The following PLET1 variants were observed in gnomAD, a reference collection of about 807,000 sequenced individuals.
PLET1 encodes placenta-expressed transcript 1 protein.
Under a neutral mutation model 18.5 loss-of-function variants are expected in PLET1, and 20 were observed. The ratio of observed to expected loss-of-function variants is 1.08; its 90% CI spans 0.76 to 1.57. The LOEUF (loss-of-function observed/expected upper bound fraction) is 1.57, where lower values mean the gene tolerates loss of function less well. PLET1 is among the 40% of genes most tolerant of loss of function. PLET1 has a pLI of 0.00. For synonymous variants in PLET1, 93 were observed against 93.8 expected, an observed-to-expected ratio of 0.99 and a Z score of 0.05; for missense variants, 256 against 246.4, an observed-to-expected ratio of 1.04 and a Z score of -0.26.
At chr11:112,250,290 A>G (rs897308914) in intron 3 of PLET1, among the ~76,000 whole-genome samples, 2 of 121,342 alleles carry the variant, frequency 1.6e-5, no homozygotes, top group Non-Finnish European at 3.2e-5. Context: ...TAGGAGAGTC[A>G]GAGTGACACC....
intron 3 of PLET1, among the ~76,000 whole-genome samples, chr11:112,250,489 G>A (rs11821975): frequency 2.6e-5 from 4 of 152,100 alleles, no homozygotes; most frequent in Non-Finnish European, 5.9e-5. Context: ...TTATAGTTAC[G>A]CTTTGATGGA....
intron 1 of PLET1, among the ~76,000 whole-genome samples, chr11:112,257,620 T>A (rs561689980): frequency 1.6e-4 from 24 of 151,356 alleles, no homozygotes; most frequent in African/African-American, 3.7e-4. Flanking sequence ...TTTTTTTTTT[T>A]AAAAAGGCAG....
At chr11:112,253,265 G>C (rs1273483708) in intron 2 of PLET1, among the ~76,000 whole-genome samples, 1 of 152,068 alleles carries the variant, frequency 6.6e-6, no homozygotes, top group Non-Finnish European at 1.5e-5. Flanking sequence ...CATAGGCCTT[G>C]CCTCCCTAAC....
chr11:112,256,815 A>C (rs777112966), intron 1 of PLET1, among the ~76,000 whole-genome samples: 3 of 152,244 alleles, frequency 2.0e-5, no homozygotes, highest in Non-Finnish European at 4.4e-5. Context: ...CAGGTGCAGT[A>C]GAAGGTGAGC....
At chr11:112,260,250 A>T in intron 1 of PLET1, 156 bp downstream of exon 1, 1 of 814,360 alleles carries the variant, frequency 1.2e-6, no homozygotes, top group Non-Finnish European at 1.8e-6. Context: ...CCACTCCCTT[A>T]ATTCTCATTC....
At chr11:112,251,275 T>C (rs1040586585) in intron 3 of PLET1, among the ~76,000 whole-genome samples, 5 of 104,750 alleles carry the variant, frequency 4.8e-5, no homozygotes, top group African/African-American at 1.8e-4. Flanking sequence ...TTGAACCTTT[T>C]TGTAAATTAA....
chr11:112,254,754 GGT>G (rs759019053), intron 2 of PLET1, among the ~76,000 whole-genome samples: 15 of 93,430 alleles, frequency 1.6e-4, no homozygotes, highest in South Asian at 9.1e-4. Flanking sequence ...CTGTGTGTGT[GGT>G]GTGTGTGCTG....
At position 112,248,966 on chromosome 11, in the gene PLET1, A is replaced by G. The variant is rs1284573420; in HGVS notation, c.457T>C (p.Leu153=). Residue 153 remains leucine, a synonymous_variant, in exon 4 of 4, where the codon TTA becomes CTA. Transcript: ENST00000338832. Reference sequence around the variant, plus strand: ...TGGGGAATCTTGGCAGCTAAGGCTAAGGTTGACACTGGAAAGGTGGTTGAG... The same window carrying G: ...TGGGGAATCTTGGCAGCTAAGGCTAGGGTTGACACTGGAAAGGTGGTTGAG... ...TLKLREKLST[L]ALAAKIPQSS... is the part of the protein sequence containing the mutation. The G allele has an allele frequency of 2.2e-5, 34 of 1,550,280 alleles. No homozygotes were observed. Among genetic ancestry groups the G allele is most frequent in the Non-Finnish European group, 3.0e-5 (34 of 1,146,958 alleles).
intron 1 of PLET1, among the ~76,000 whole-genome samples, chr11:112,256,873 G>C (rs1397201211): frequency 8.0e-6 from 1 of 125,680 alleles, no homozygotes; most frequent in African/African-American, 2.7e-5. Context: ...CTGCACGGGT[G>C]TGCCCTGTCC....
At chr11:112,250,942 A>G (rs1439256067) in intron 3 of PLET1, among the ~76,000 whole-genome samples, 2 of 152,218 alleles carry the variant, frequency 1.3e-5, no homozygotes, top group Non-Finnish European at 2.9e-5. Context: ...TAATCACTTT[A>G]CAATTTGTTG....
rs1860196386 is a variant in PLET1 at position 112,254,661 on chromosome 11, GTGA to G, written c.386+724_386+726del. 2.1e-5 allele frequency among the ~76,000 whole-genome samples: 3 copies of G among 143,408 alleles called. No individual in the cohort carries two copies. The Admixed American group carries it at 2.1e-4, about 10-fold the overall frequency. 94.1% of individuals were successfully genotyped at this position (143,408 alleles called of 152,430 possible). ...GTGGTGTGTGGTGTGTGCTGTGTGT[GTGA>G]TGTGTATGTGGTATGTATGTGTGTG... On this transcript the variant is annotated intron_variant, in intron 2 of 3. Transcript: ENST00000338832.
At chr11:112,257,191 C>T (rs150646961) in intron 1 of PLET1, among the ~76,000 whole-genome samples, 214 of 152,310 alleles carry the variant, frequency 1.4e-3, no homozygotes, top group African/African-American at 5.0e-3. Context: ...TATTCCCACT[C>T]TAAGGGCAGC....
chr11:112,250,170 T>A (rs917651805), intron 3 of PLET1, among the ~76,000 whole-genome samples: 3 of 146,568 alleles, frequency 2.0e-5, no homozygotes, highest in Non-Finnish European at 4.5e-5. Context: ...CTTTTTTTTT[T>A]AACTGGATTT....
chr11:112,259,697 C>T (rs2564889), intron 1 of PLET1, among the ~76,000 whole-genome samples: 112,179 of 151,986 alleles, frequency 0.74, 41,504 homozygotes, highest in South Asian at 0.81. Context: ...AAATGCAGTA[C>T]ACAATTATCC....
In PLET1 at chr11:112,254,638, G is replaced by T. The variant is rs201915894; in HGVS notation, c.386+750C>A. 2.2e-4 allele frequency among the ~76,000 whole-genome samples: 30 copies of T among 133,864 alleles called. 1 individual carries two copies. The highest frequency in any genetic ancestry group is 3.1e-4 in the Non-Finnish European group (20 of 64,904). The allele number at this position is 133,864 out of a possible 152,430, so 87.8% of individuals were successfully genotyped here. On this transcript the variant is annotated intron_variant, in intron 2 of 3. Coordinates refer to ENST00000338832, the MANE Select transcript of PLET1 (RefSeq NM_001145024.1). ...TGGTGTGTGTGGTATGAGTGTGTGT[G>T]GTGTGTGGTGTGTGCTGTGTGTGTG...
chr11:112,254,744 CTGTG>C (rs1248365902), intron 2 of PLET1, among the ~76,000 whole-genome samples: 4 of 67,920 alleles, frequency 5.9e-5, no homozygotes, highest in Non-Finnish European at 1.1e-4. Flanking sequence ...TGTGTGTGTG[CTGTG>C]TGTGTGGTGT....
chr11:112,250,075 G>T (rs1253295461), intron 3 of PLET1, among the ~76,000 whole-genome samples: 1 of 150,670 alleles, frequency 6.6e-6, no homozygotes, highest in Non-Finnish European at 1.5e-5. Context: ...AGGTAGCATT[G>T]TCTAATCTTT....
chr11:112,259,217 G>A (rs1860259460), intron 1 of PLET1, among the ~76,000 whole-genome samples: 1 of 152,206 alleles, frequency 6.6e-6, no homozygotes, highest in Admixed American at 6.5e-5. Flanking sequence ...CTATAAGGAA[G>A]AGTATATAGT....
chr11:112,251,162 C>G (rs1860151013), intron 3 of PLET1, among the ~76,000 whole-genome samples: 1 of 151,928 alleles, frequency 6.6e-6, no homozygotes, highest in Non-Finnish European at 1.5e-5. Context: ...TGATGTAAGT[C>G]TAAGAAAAGT....
Sources: allele counts gnomAD v4.1 joint callset (sites outside exome capture counted in the v4.1 genomes callset), GRCh38; gene constraint gnomAD v4.1.1; transcripts MANE v1.5; gene names NCBI Gene and HGNC (gene_info 2026-07-23, HGNC 2026-07-21).